Variants in SEPSECS observed in about 807,000 individuals in gnomAD.
The protein encoded by SEPSECS is O-phosphoseryl-tRNA(Sec) selenium transferase.
A neutral mutation model predicts 52.1 loss-of-function variants in SEPSECS; 42 were observed. That is an observed-to-expected ratio of 0.81 (90% confidence interval 0.63 to 1.04). The LOEUF is 1.04. Ranked by LOEUF, SEPSECS falls within the 50% of genes least tolerant of loss-of-function variation. The pLI is 0.00. For missense variants in SEPSECS, 590 were observed against 610.6 expected (o/e 0.97, Z 0.36); for synonymous variants, 216 against 211.4 (o/e 1.02, Z -0.19).
chr4:25,134,420 T>C (rs1310614992), intron 8 of SEPSECS, among the ~76,000 whole-genome samples: 5 of 151,930 alleles, frequency 3.3e-5, no homozygotes, highest in African/African-American at 1.2e-4. Flanking sequence ...GAGATGATTA[T>C]ACAACATTTG....
intron 6 of SEPSECS, among the ~76,000 whole-genome samples, chr4:25,149,806 T>C (rs1278525537): frequency 3.3e-5 from 5 of 152,182 alleles, no homozygotes; most frequent in African/African-American, 9.7e-5. Flanking sequence ...TCTATGACCA[T>C]ACAAATTAGA....
Position 25,123,169 on chromosome 4 carries a change from A to G in SEPSECS, c.*762T>C, listed in dbSNP as rs899992362. ...TTTATACAGCTATCTTCTTTGAAGT[A>G]CTACTGAAAGTTGCTATGGTAAACT... On this transcript the variant is annotated 3_prime_UTR_variant, in exon 11 of 11. Transcript: ENST00000382103. 4.6e-5 allele frequency: 7 copies of G among 152,260 alleles called. No homozygotes were observed. The highest frequency in any genetic ancestry group is 1.7e-4 in the African/African-American group (7 of 41,466). The allele number at this position is 152,260 out of a possible 1,614,324, so 9.4% of individuals were successfully genotyped here.
At chr4:25,137,048 T>A (rs1044046680) in intron 8 of SEPSECS, among the ~76,000 whole-genome samples, 2 of 152,084 alleles carry the variant, frequency 1.3e-5, no homozygotes, top group Admixed American at 1.3e-4. Context: ...TCCTTACACC[T>A]TAGACAAAAA....
Position 25,123,512 on chromosome 4 carries a change from A to G in SEPSECS, c.*419T>C, listed in dbSNP as rs1274016826. ...TTTACAGGCACACTGTGACTTACAC[A>G]TCTCAACAAACAACTAGTAACTAGT... On this transcript the variant is annotated 3_prime_UTR_variant, in exon 11 of 11. Coordinates refer to ENST00000382103, the MANE Select transcript of SEPSECS (RefSeq NM_016955.4). 1 of 202,430 alleles carries G rather than the reference A, an allele frequency of 4.9e-6. No homozygotes were observed. Among genetic ancestry groups the G allele is most frequent in the Non-Finnish European group, 1.0e-5 (1 of 97,774 alleles). 12.5% of individuals were successfully genotyped at this position (202,430 alleles called of 1,614,324 possible).
chr4:25,127,214 C>T (rs780723705), intron 9 of SEPSECS, 50 bp downstream of exon 9: 2 of 1,156,568 alleles, frequency 1.7e-6, no homozygotes, highest in Admixed American at 1.7e-5. Context: ...TCAGCTTCCT[C>T]CTAGAGTGGA....
intron 8 of SEPSECS, among the ~76,000 whole-genome samples, chr4:25,134,124 CAAAAAAAAAAAAA>C (rs34672005): frequency 7.6e-5 from 1 of 13,164 alleles, no homozygotes; most frequent in East Asian, 1.8e-3. Context: ...GACCCCATCT[CAAAAAAAAAAAAA>C]AAAAAAAAAA....
Position 25,156,193 on chromosome 4 carries a change from C to T in SEPSECS, c.391G>A (p.Val131Ile), listed in dbSNP as rs780620507. ...LVLDIIKLAG[V>I]HTVANCFVVP... ...ACAAAGCAGTTGGCTACTGTATGGA[C>T]ACCTACAAATAAGAAGCAAAACAGA... Residue 131 changes from valine (V) to isoleucine (I), a missense_variant and splice_region_variant, in exon 4 of 11, where the codon GTC (valine) becomes ATC (isoleucine). Coordinates refer to ENST00000382103, the MANE Select transcript of SEPSECS (RefSeq NM_016955.4). 1.2e-6 allele frequency: 2 copies of T among 1,613,738 alleles called. No individual in the cohort carries two copies. The highest frequency in any genetic ancestry group is 1.7e-6 in the Non-Finnish European group (2 of 1,179,734).
chr4:25,145,754 C>A (rs1195408187), intron 6 of SEPSECS, among the ~76,000 whole-genome samples: 2 of 152,154 alleles, frequency 1.3e-5, no homozygotes, highest in African/African-American at 4.8e-5. Flanking sequence ...TATAGCCATC[C>A]GAGTTGCCAA....
At chr4:25,156,471 A>G (rs547444031) in intron 3 of SEPSECS, among the ~76,000 whole-genome samples, 20 of 151,926 alleles carry the variant, frequency 1.3e-4, no homozygotes, top group African/African-American at 4.6e-4. Context: ...TTGGGAGGCC[A>G]AGGCGGGCGG....
At position 25,125,762 on chromosome 4, in the gene SEPSECS, A is replaced by T. The variant is rs369843404; in HGVS notation, c.1143T>A (p.Asp381Glu). Residue 381 changes from aspartate (D) to glutamate (E), a missense_variant, in exon 10 of 11, where the codon GAT becomes GAA. By Grantham distance (45) the Asp-to-Glu change is conservative. Transcript: ENST00000382103. ...ISLAMTLKTL[D>E]EHRDKAVTQL... ...GAGTGACAGCTTTGTCACGGTGTTCATCTAGTGTTTTAAGTGTCATAGCTG... is the reference window on the plus strand; with the variant it reads ...GAGTGACAGCTTTGTCACGGTGTTCTTCTAGTGTTTTAAGTGTCATAGCTG... 6 of 1,612,658 alleles carry T rather than the reference A, an allele frequency of 3.7e-6. No individual in the cohort carries two copies. The African/African-American group carries it at 6.7e-5, about 18-fold the overall frequency.
rs944154187 is a variant in SEPSECS, at chr4:25,125,552, C to T, written c.1211+142G>A. 1.9e-5 allele frequency: 13 copies of T among 695,558 alleles called. No individual in the cohort carries two copies. In the African/African-American group the frequency reaches 2.1e-4, roughly 11 times the overall value. 43.1% of individuals were successfully genotyped at this position (695,558 alleles called of 1,614,324 possible). A position where few individuals can be genotyped will look rare whatever the true frequency, so the allele number is the denominator to read the frequency against. On this transcript the variant is annotated intron_variant, in intron 10 of 10. Transcript: ENST00000382103. ...GGCATACAGTAGCCTTACAGATTCT[C>T]TAACTCATCATTCTTTACTCCATGA...
At position 25,128,800 on chromosome 4, in the gene SEPSECS, C is replaced by G. The variant is rs549804378; in HGVS notation, c.1027-1443G>C. 2.0e-5 allele frequency among the ~76,000 whole-genome samples: 3 copies of G among 151,934 alleles called. No homozygotes were observed. In the East Asian group the frequency reaches 5.8e-4, roughly 29 times the overall value. ...AAACAGCCAGGGGCTAACAGAGTACCCAAGCAGAGACAGCAAGAAATGACA... is the reference window on the plus strand; with the variant it reads ...AAACAGCCAGGGGCTAACAGAGTACGCAAGCAGAGACAGCAAGAAATGACA... On this transcript the variant is annotated intron_variant, in intron 8 of 10. Transcript: ENST00000382103.
chr4:25,142,707 A>C (rs1029360081), intron 8 of SEPSECS, among the ~76,000 whole-genome samples: 10 of 152,218 alleles, frequency 6.6e-5, no homozygotes, highest in African/African-American at 1.9e-4. Flanking sequence ...AATGGGTATG[A>C]GGTAACATGA....
chr4:25,124,031 C>T lies in SEPSECS; in HGVS notation c.1406G>A (p.Ser469Asn), dbSNP rs756069519. Residue 469 changes from serine to asparagine, a missense_variant, in exon 11 of 11, where the codon AGT becomes AAT. Ser to Asn is a conservative substitution (Grantham distance 46). Transcript: ENST00000382103. ...TTCAGTTTTGTCATAATTGTCATCACTCTCTTTACTTCGTTCTTTTCTTAC... is the reference window on the plus strand; with the variant it reads ...TTCAGTTTTGTCATAATTGTCATCATTCTCTTTACTTCGTTCTTTTCTTAC... ...KAVRKERSKE[S>N]DDNYDKTEDV... 2.0e-5 allele frequency: 33 copies of T among 1,613,584 alleles called. No homozygotes were observed. Among genetic ancestry groups the T allele is most frequent in the African/African-American group, 2.7e-5 (2 of 74,892 alleles).
chr4:25,134,364 C>T lies in SEPSECS; in HGVS notation c.1027-7007G>A, dbSNP rs117518430. Among the ~76,000 whole-genome samples, 130 of 146,936 alleles carry T rather than the reference C, an allele frequency of 8.8e-4. 3 individuals carry two copies. In the East Asian group the frequency reaches 0.025, roughly 29 times the overall value. ...TGTGTGTGTGTGTGTATAAAATTTG[C>T]TTTCTGACTAATTTTCCAGAAAGAC... On this transcript the variant is annotated intron_variant, in intron 8 of 10. Coordinates refer to ENST00000382103, the MANE Select transcript of SEPSECS (RefSeq NM_016955.4).
intron 6 of SEPSECS, among the ~76,000 whole-genome samples, chr4:25,147,502 C>A (rs998820176): frequency 6.6e-6 from 1 of 152,216 alleles, no homozygotes; most frequent in African/African-American, 2.4e-5. Flanking sequence ...CTGCTTCCCA[C>A]ACTTTTGGAA....
chr4:25,144,778 C>T lies in SEPSECS; in HGVS notation c.1022G>A (p.Arg341Lys), dbSNP rs1064796736. 2 of 1,602,894 alleles carry T rather than the reference C, an allele frequency of 1.2e-6. No individual in the cohort carries two copies. Among genetic ancestry groups the T allele is most frequent in the East Asian group, 2.2e-5 (1 of 44,782 alleles). Residue 341 changes from arginine (R) to lysine (K), a missense_variant, in exon 8 of 11, where the codon AGA (arginine) becomes AAA (lysine). Arg to Lys is a conservative substitution (Grantham distance 26). Transcript: ENST00000382103. ...SNGYKKLLKE[R>K]KEMFSYLSNQ... is the part of the protein sequence containing the mutation. Reference sequence around the variant, plus strand: ...ACACCTAAAGGGAAAGCTTACCTTTCTTTCTTTTAGTAGCTTCTTATAGCC... The same window carrying T: ...ACACCTAAAGGGAAAGCTTACCTTTTTTTCTTTTAGTAGCTTCTTATAGCC...
At chr4:25,160,572 T>A, upstream of SEPSECS, 1 of 511,874 alleles carries the variant, frequency 2.0e-6, no homozygotes, top group South Asian at 2.9e-5. Context: ...CAGGAGGAAG[T>A]TGGCGTATTT....
At position 25,155,141 on chromosome 4, in the gene SEPSECS, A is replaced by T; in HGVS notation, c.558T>A (p.Pro186=). The T allele has an allele frequency of 6.2e-7, 1 of 1,614,132 alleles. No homozygotes were observed. Among genetic ancestry groups the T allele is most frequent in the East Asian group, 2.2e-5 (1 of 44,880 alleles). ...FKSMITAGFE[P]VVIENVLEGD... ...CTTCCAAAACATTTTCTATCACCAC[A>T]GGCTCAAAACCTAACCAAACCAACC... Residue 186 remains proline, a synonymous_variant, in exon 5 of 11, where the codon CCT becomes CCA. Coordinates refer to ENST00000382103, the MANE Select transcript of SEPSECS (RefSeq NM_016955.4).
Sources: allele counts gnomAD v4.1 joint callset (sites outside exome capture counted in the v4.1 genomes callset), GRCh38; gene constraint gnomAD v4.1.1; transcripts MANE v1.5; gene names NCBI Gene and HGNC (gene_info 2026-07-23, HGNC 2026-07-21).